Variants in EYA2 observed in about 807,000 individuals in gnomAD.
EYA2 encodes protein phosphatase EYA2.
EYA2 carries 31 observed loss-of-function variants against 69.2 expected under a neutral mutation model. The ratio of observed to expected loss-of-function variants is 0.45; its 90% CI spans 0.34 to 0.60. The LOEUF (loss-of-function observed/expected upper bound fraction) is 0.60, where lower values mean the gene tolerates loss of function less well. Ranked by LOEUF, EYA2 falls within the 20% of genes least tolerant of loss-of-function variation. The pLI is 0.02. For missense variants in EYA2, 622 were observed against 701.2 expected (o/e 0.89, Z 1.28); for synonymous variants, 257 against 279.4 (o/e 0.92, Z 0.80).
chr20:46,973,463 G>A (rs1980262961), intron 1 of EYA2, among the ~76,000 whole-genome samples: 1 of 152,230 alleles, frequency 6.6e-6, no homozygotes, highest in Middle Eastern at 3.2e-3. Flanking sequence ...AATTGGGGAA[G>A]ATTGAATGTG....
intron 5 of EYA2, among the ~76,000 whole-genome samples, chr20:47,066,709 A>C (rs927440123): frequency 3.9e-5 from 6 of 152,188 alleles, no homozygotes; most frequent in Non-Finnish European, 5.9e-5. Context: ...TTTTTATTCT[A>C]ATCAGCCATG....
At chr20:47,001,850 C>G (rs552670143) in intron 3 of EYA2, among the ~76,000 whole-genome samples, 1 of 146,796 alleles carries the variant, frequency 6.8e-6, no homozygotes, top group South Asian at 2.1e-4. Context: ...TAGGGAATTT[C>G]TTAATTTTTC....
chr20:47,066,446 A>G lies in EYA2; in HGVS notation c.416-5739A>G, dbSNP rs75828058. 3.0e-3 allele frequency among the ~76,000 whole-genome samples: 454 copies of G among 152,326 alleles called. 1 individual carries two copies. The highest frequency in any genetic ancestry group is 0.01 in the African/African-American group (428 of 41,578). On this transcript the variant is annotated intron_variant, in intron 5 of 15. Transcript: ENST00000327619. Reference sequence around the variant, plus strand: ...TTCTCTGCCTTTGACAGAGACTCAAAATAGCAATGTCTTCAACAAGAAAGA... The same window carrying G: ...TTCTCTGCCTTTGACAGAGACTCAAGATAGCAATGTCTTCAACAAGAAAGA...
intron 10 of EYA2, chr20:47,161,189 A>G (rs1338813024): frequency 1.4e-5 from 6 of 441,308 alleles, no homozygotes; most frequent in Non-Finnish European, 2.5e-5. Flanking sequence ...CTTACAAGGG[A>G]CGGTGTGGGG....
intron 5 of EYA2, among the ~76,000 whole-genome samples, chr20:47,032,541 T>C (rs900608681): frequency 7.2e-5 from 11 of 152,162 alleles, no homozygotes; most frequent in African/African-American, 2.7e-4. Context: ...TTGGTGTGCA[T>C]CTTGTTTTAT....
chr20:46,923,302 T>C (rs1389035233), intron 1 of EYA2, among the ~76,000 whole-genome samples: 2 of 152,100 alleles, frequency 1.3e-5, no homozygotes, highest in Admixed American at 6.5e-5. Flanking sequence ...GAGGCAGAGG[T>C]TGCAGTGAGC....
intron 1 of EYA2, among the ~76,000 whole-genome samples, chr20:46,963,234 A>C (rs1979579532): frequency 6.6e-6 from 1 of 152,268 alleles, no homozygotes; most frequent in African/African-American, 2.4e-5. Context: ...TCCTTGTCTC[A>C]GTGTCTGCTC....
rs143326592 is a variant in EYA2 at position 47,117,094 on chromosome 20, C to T, written c.888+19926C>T. Among the ~76,000 whole-genome samples, 793 of 149,334 alleles carry T rather than the reference C, an allele frequency of 5.3e-3. 7 individuals are homozygous for T. The highest frequency in any genetic ancestry group is 0.018 in the African/African-American group (720 of 40,476). On this transcript the variant is annotated intron_variant, in intron 9 of 15. Transcript: ENST00000327619. The stretch of plus-strand genomic sequence containing the variant: ...GTGGTGCGATCTCGGCTCACTGCAA[C>T]CTCTGCCCCCTGGGTTCAAGCCATT...
chr20:46,952,107 G>C lies in EYA2; in HGVS notation c.-10-37894G>C, dbSNP rs554875237. ...GTGTAATGAATGTGTCCGGGGGTGA[G>C]AAATGCAATGGAGAAGAACTCCGCC... On this transcript the variant is annotated intron_variant, in intron 1 of 15. Transcript: ENST00000327619. 1.4e-4 allele frequency among the ~76,000 whole-genome samples: 21 copies of C among 152,354 alleles called. No individual in the cohort carries two copies. The South Asian group carries it at 4.1e-3, about 30-fold the overall frequency.
chr20:46,915,859 C>T (rs1481284275), intron 1 of EYA2, among the ~76,000 whole-genome samples: 4 of 152,116 alleles, frequency 2.6e-5, no homozygotes, highest in East Asian at 1.9e-4. Flanking sequence ...CTAGTACCCC[C>T]GGACCTGGGG....
chr20:46,914,128 C>T (rs1306143882), intron 1 of EYA2, among the ~76,000 whole-genome samples: 1 of 152,208 alleles, frequency 6.6e-6, no homozygotes, highest in Non-Finnish European at 1.5e-5. Context: ...CTCCCTCGTT[C>T]CTAAAGAGCT....
intron 10 of EYA2, among the ~76,000 whole-genome samples, chr20:47,152,061 C>T (rs1460932403): frequency 6.6e-6 from 1 of 152,038 alleles, no homozygotes; most frequent in African/African-American, 2.4e-5. Context: ...CTGCAGAACT[C>T]TAGAGGTTAG....
chr20:47,082,754 G>C (rs980915273), intron 7 of EYA2, among the ~76,000 whole-genome samples: 4 of 152,288 alleles, frequency 2.6e-5, no homozygotes, highest in South Asian at 2.1e-4. Context: ...AGAGGACCAA[G>C]AAGGGCCACA....
Position 46,932,061 on chromosome 20 carries a change from G to T in EYA2, c.-11+37074G>T, listed in dbSNP as rs534613545. On this transcript the variant is annotated intron_variant, in intron 1 of 15. Coordinates refer to ENST00000327619, the MANE Select transcript of EYA2 (RefSeq NM_005244.5). ...AGCTGCCCAGCGCTCCTAGCCGGGG[G>T]ACCCCTCAGGAATTTCAGAGGGTGG... Among the ~76,000 whole-genome samples, 252 of 151,494 alleles carry T rather than the reference G, an allele frequency of 1.7e-3. 1 individual carries two copies. Among genetic ancestry groups the T allele is most frequent in the African/African-American group, 5.8e-3 (238 of 41,210 alleles).
chr20:46,939,387 A>C (rs1986059381), intron 1 of EYA2, among the ~76,000 whole-genome samples: 1 of 151,948 alleles, frequency 6.6e-6, no homozygotes, highest in Non-Finnish European at 1.5e-5. Flanking sequence ...AGCAAACCTG[A>C]GTGATAGAGA....
At chr20:47,174,922 C>A (rs2034398367) in intron 12 of EYA2, among the ~76,000 whole-genome samples, 1 of 152,176 alleles carries the variant, frequency 6.6e-6, no homozygotes, top group Admixed American at 6.5e-5. Context: ...AGTGAAGCAG[C>A]AAGCTCTGGT....
At chr20:47,158,743 A>C (rs1344236406) in intron 10 of EYA2, among the ~76,000 whole-genome samples, 1 of 151,972 alleles carries the variant, frequency 6.6e-6, no homozygotes, top group Non-Finnish European at 1.5e-5. Context: ...TGCTCAGGAA[A>C]ACCCAAAGTG....
intron 9 of EYA2, chr20:47,117,407 G>A: frequency 1.0e-6 from 1 of 985,384 alleles, no homozygotes; most frequent in Non-Finnish European, 1.2e-6. Flanking sequence ...GGCTTTTCTT[G>A]CAGATCCAGA....
rs564574160 is a variant in EYA2 at position 47,088,056 on chromosome 20, G to A, written c.662-1183G>A. 3.1e-3 allele frequency among the ~76,000 whole-genome samples: 467 copies of A among 152,048 alleles called. 7 individuals are homozygous for A. The highest frequency in any genetic ancestry group is 5.2e-3 in the East Asian group (27 of 5,176). ...AGCCTGACCAACAGGGTGAAACCTC[G>A]TCTCCCTGTCTCTACTAAAAATACA... On this transcript the variant is annotated intron_variant, in intron 7 of 15. Coordinates refer to ENST00000327619, the MANE Select transcript of EYA2 (RefSeq NM_005244.5).
Sources: gnomAD v4.1 joint callset for allele counts (sites outside exome capture counted in the v4.1 genomes callset) on GRCh38, gnomAD v4.1.1 for gene constraint, MANE v1.5 for transcripts, NCBI Gene and HGNC (gene_info 2026-07-23, HGNC 2026-07-21) for gene names.